CNTN5: variants seen among roughly 807,000 people sequenced by gnomAD.
CNTN5 encodes the protein contactin-5.
In CNTN5, 77 loss-of-function variants were observed where a neutral mutation model predicts 129.1. The observed-to-expected ratio is 0.60, with a 90% CI of 0.50 to 0.72. CNTN5 has a LOEUF of 0.72. Among genes scored for constraint, CNTN5 ranks in the 30% least tolerant of loss-of-function variants. CNTN5 has a pLI of 0.00. For missense variants in CNTN5, 1,478 were observed against 1,328.8 expected (o/e 1.11, Z -1.75); for synonymous variants, 509 against 465.6 (o/e 1.09, Z -1.20).
intron 9 of CNTN5, among the ~76,000 whole-genome samples, chr11:100,004,440 A>G (rs767562819): frequency 6.6e-6 from 1 of 152,108 alleles, no homozygotes; most frequent in Non-Finnish European, 1.5e-5. Context: ...ATGAATGTAC[A>G]TGTTATCTAA....
At chr11:99,705,862 C>G (rs918482361) in intron 3 of CNTN5, among the ~76,000 whole-genome samples, 1 of 151,286 alleles carries the variant, frequency 6.6e-6, no homozygotes, top group Non-Finnish European at 1.5e-5. Context: ...TGTCAGGATC[C>G]TCACAATCTA....
At chr11:99,123,651 AG>A (rs1288511903) in intron 1 of CNTN5, among the ~76,000 whole-genome samples, 4 of 119,514 alleles carry the variant, frequency 3.3e-5, no homozygotes, top group African/African-American at 9.4e-5. Context: ...GTTATCTTCC[AG>A]GGTTTTTTTT....
intron 2 of CNTN5, among the ~76,000 whole-genome samples, chr11:99,445,608 A>G (rs953253558): frequency 6.6e-5 from 10 of 152,038 alleles, no homozygotes; most frequent in African/African-American, 2.4e-4. Flanking sequence ...CATTGGATTT[A>G]CTCTCTTTTT....
chr11:99,023,204 A>G (rs1461143574), intron 1 of CNTN5, among the ~76,000 whole-genome samples: 3 of 152,232 alleles, frequency 2.0e-5, no homozygotes, highest in African/African-American at 4.8e-5. Flanking sequence ...TCATGAATCT[A>G]TACATAGAAT....
chr11:99,833,673 G>A (rs894050695), intron 4 of CNTN5, among the ~76,000 whole-genome samples: 1 of 152,148 alleles, frequency 6.6e-6, no homozygotes, highest in Non-Finnish European at 1.5e-5. Flanking sequence ...AAACTGAAGA[G>A]CATCTGTACT....
chr11:99,443,418 A>C lies in CNTN5; in HGVS notation c.-70-112727A>C, dbSNP rs540463329. Among the ~76,000 whole-genome samples the C allele has an allele frequency of 7.9e-5, 12 of 152,308 alleles. No homozygotes were observed. In the East Asian group the frequency reaches 2.1e-3, roughly 27 times the overall value. On this transcript the variant is annotated intron_variant, in intron 2 of 24. Transcript: ENST00000524871. ...GTAAATATTTAAATATTGATTTTTC[A>C]GAAATAGTGGGTAGCCTGTGTACAT...
chr11:99,051,330 A>G (rs762379486), intron 1 of CNTN5, among the ~76,000 whole-genome samples: 1 of 151,946 alleles, frequency 6.6e-6, no homozygotes, highest in Non-Finnish European at 1.5e-5. Context: ...AAATAACTGA[A>G]TCGTTAATGC....
At chr11:99,290,619 C>A (rs1405515293) in intron 1 of CNTN5, among the ~76,000 whole-genome samples, 1 of 151,822 alleles carries the variant, frequency 6.6e-6, no homozygotes, top group Non-Finnish European at 1.5e-5. Flanking sequence ...ACTTTTCTAG[C>A]AACTGGCAAT....
At chr11:99,979,202 A>G (rs139659997) in intron 8 of CNTN5, among the ~76,000 whole-genome samples, 25 of 152,224 alleles carry the variant, frequency 1.6e-4, no homozygotes, top group Non-Finnish European at 3.1e-4. Context: ...CTCATGATCT[A>G]GTAGAGGAGA....
At chr11:99,741,156 A>G (rs1027597985) in intron 3 of CNTN5, among the ~76,000 whole-genome samples, 4 of 152,188 alleles carry the variant, frequency 2.6e-5, no homozygotes, top group African/African-American at 9.7e-5. Context: ...GTGAGATAAA[A>G]GAATAATAAT....
chr11:99,637,134 A>G (rs534438038), intron 3 of CNTN5, among the ~76,000 whole-genome samples: 1 of 150,616 alleles, frequency 6.6e-6, no homozygotes. Flanking sequence ...TTATTTAATG[A>G]TAATAATCAT....
intron 18 of CNTN5, among the ~76,000 whole-genome samples, chr11:100,271,589 T>TA (rs1950408861): frequency 7.1e-6 from 1 of 141,776 alleles, no homozygotes; most frequent in Non-Finnish European, 1.5e-5. Flanking sequence ...CGGTTCACCT[T>TA]CTTTTTTTCC....
chr11:99,741,725 A>G (rs1455518543), intron 3 of CNTN5, among the ~76,000 whole-genome samples: 3 of 152,074 alleles, frequency 2.0e-5, no homozygotes, highest in Non-Finnish European at 4.4e-5. Flanking sequence ...CTTTCTACTA[A>G]TTGTTTTACT....
chr11:99,549,396 C>A (rs1388392683), intron 2 of CNTN5, among the ~76,000 whole-genome samples: 1 of 152,118 alleles, frequency 6.6e-6, no homozygotes, highest in Non-Finnish European at 1.5e-5. Flanking sequence ...GATTACCCAG[C>A]TGTGTGGGCC....
intron 3 of CNTN5, among the ~76,000 whole-genome samples, chr11:99,736,822 CTTAT>C (rs1015919337): frequency 5.3e-5 from 8 of 152,024 alleles, no homozygotes; most frequent in Non-Finnish European, 1.2e-4. Context: ...AAGATACAGT[CTTAT>C]TTATATATAA....
chr11:99,954,795 T>C (rs1313271997), intron 7 of CNTN5, among the ~76,000 whole-genome samples: 2 of 152,208 alleles, frequency 1.3e-5, no homozygotes, highest in Admixed American at 6.5e-5. Context: ...AGCTCTTCTA[T>C]TGCGTACTAT....
Position 100,341,098 on chromosome 11 carries a change from A to G in CNTN5, c.2923A>G (p.Ser975Gly), listed in dbSNP as rs977896726. ...TTTCACTTTTTATTTTGCAGCTCCTAGTCAAGCACCTAGCAACCTCAGGTG... is the reference window on the plus strand; with the variant it reads ...TTTCACTTTTTATTTTGCAGCTCCTGGTCAAGCACCTAGCAACCTCAGGTG... ...VSATTKKSPP[S>G]QAPSNLRWEQ... The change falls in exon 23 of 25, where the codon AGT becomes GGT. Residue 975 changes from serine to glycine, a missense_variant. Physicochemically the swap from Ser to Gly is moderately conservative, Grantham distance 56 (BLOSUM62 0). Coordinates refer to ENST00000524871, the MANE Select transcript of CNTN5 (RefSeq NM_014361.4). 1 of 1,611,060 alleles carries G rather than the reference A, an allele frequency of 6.2e-7. No individual in the cohort carries two copies. The highest frequency in any genetic ancestry group is 1.7e-5 in the Admixed American group (1 of 59,944).
intron 13 of CNTN5, among the ~76,000 whole-genome samples, chr11:100,139,355 T>G (rs977513098): frequency 2.0e-5 from 3 of 152,080 alleles, no homozygotes; most frequent in African/African-American, 7.2e-5. Flanking sequence ...TACATAGTCA[T>G]TTAGATAGAA....
chr11:99,541,179 A>G (rs1948094445), intron 2 of CNTN5, among the ~76,000 whole-genome samples: 1 of 152,160 alleles, frequency 6.6e-6, no homozygotes, highest in East Asian at 1.9e-4. Context: ...TGAGCAGTAC[A>G]CTAGCTGACT....
Sources: gnomAD v4.1 joint callset for allele counts (sites outside exome capture counted in the v4.1 genomes callset) on GRCh38, gnomAD v4.1.1 for gene constraint, MANE v1.5 for transcripts, NCBI Gene and HGNC (gene_info 2026-07-23, HGNC 2026-07-21) for gene names.